Variants in MUC7 observed in about 807,000 individuals in gnomAD.
The protein encoded by MUC7 is mucin 7, secreted.
In MUC7, 2 loss-of-function variants were observed where a neutral mutation model predicts 2.5. That is an observed-to-expected ratio of 0.81 (90% CI 0.33 to 2.55). The LOEUF (loss-of-function observed/expected upper bound fraction) is 2.55, where lower values mean the gene tolerates loss of function less well. Ranked by LOEUF, MUC7 falls within the 30% of genes most tolerant of loss-of-function variation. The probability of loss-of-function intolerance (pLI) is 0.11; values close to 1 mark genes in which losing one functional copy is unlikely to be tolerated. For synonymous variants in MUC7, 133 were observed against 173.4 expected, an observed-to-expected ratio of 0.77 and a Z score of 1.83; for missense variants, 408 against 455.6, an observed-to-expected ratio of 0.90 and a Z score of 0.95.
At chr4:70,463,066 G>A (rs965385512) in intron 1 of MUC7, among the ~76,000 whole-genome samples, 18 of 152,166 alleles carry the variant, frequency 1.2e-4, no homozygotes, top group African/African-American at 4.1e-4. Context: ...TGGTCCTATG[G>A]TCAAATTCTT....
chr4:70,465,242 G>A (rs550233010), intron 1 of MUC7, among the ~76,000 whole-genome samples: 1 of 152,292 alleles, frequency 6.6e-6, no homozygotes, highest in East Asian at 1.9e-4. Flanking sequence ...AACCCCATCT[G>A]AAGGTCACCA....
At chr4:70,459,338 C>A (rs572749505) in intron 1 of MUC7, among the ~76,000 whole-genome samples, 2 of 152,188 alleles carry the variant, frequency 1.3e-5, no homozygotes, top group East Asian at 1.9e-4. Flanking sequence ...GGACAAAAAA[C>A]CAAACACCGC....
intron 1 of MUC7, among the ~76,000 whole-genome samples, chr4:70,443,662 G>A (rs1734058454): frequency 6.6e-6 from 1 of 152,086 alleles, no homozygotes. Context: ...GTCTTCCACA[G>A]CAAACTAACC....
chr4:70,437,727 T>G (rs1482653377), intron 1 of MUC7, among the ~76,000 whole-genome samples: 1 of 152,094 alleles, frequency 6.6e-6, no homozygotes, highest in Non-Finnish European at 1.5e-5. Flanking sequence ...CTGTAGGCTG[T>G]ACCCACTGTC....
chr4:70,447,630 T>C (rs1384963224), intron 1 of MUC7, among the ~76,000 whole-genome samples: 1 of 152,154 alleles, frequency 6.6e-6, no homozygotes, highest in African/African-American at 2.4e-5. Context: ...TGATTTGTTC[T>C]TTTTTTAATT....
At chr4:70,449,554 T>C (rs1232456987) in intron 1 of MUC7, among the ~76,000 whole-genome samples, 3 of 152,136 alleles carry the variant, frequency 2.0e-5, no homozygotes, top group South Asian at 4.1e-4. Flanking sequence ...AGCCAAACCA[T>C]ATCATCTTCA....
intron 1 of MUC7, among the ~76,000 whole-genome samples, chr4:70,459,988 C>T (rs899380910): frequency 5.9e-5 from 9 of 152,022 alleles, no homozygotes; most frequent in Non-Finnish European, 1.2e-4. Flanking sequence ...GTATTATAAA[C>T]TAACAAGTTT....
At position 70,481,804 on chromosome 4, in the gene MUC7, A is replaced by G. The variant is rs780252149; in HGVS notation, c.1060A>G (p.Asn354Asp). The G allele has an allele frequency of 4.0e-5, 64 of 1,614,182 alleles. No homozygotes were observed. The highest frequency in any genetic ancestry group is 5.1e-5 in the Non-Finnish European group (60 of 1,180,022). ...TKQPTSAPGQ[N>D]KISRFLLYMK... The stretch of plus-strand genomic sequence containing the variant: ...ACAACCAACTTCAGCTCCTGGCCAA[A>G]ATAAAATTTCTCGATTTCTTTTATA... Residue 354 changes from asparagine (N) to aspartate (D), a missense_variant, in exon 3 of 3, where the codon AAT becomes GAT. Coordinates refer to ENST00000304887, the MANE Select transcript of MUC7 (RefSeq NM_152291.3).
intron 1 of MUC7, among the ~76,000 whole-genome samples, chr4:70,456,214 C>T (rs1734406457): frequency 6.6e-6 from 1 of 152,236 alleles, no homozygotes; most frequent in Admixed American, 6.5e-5. Flanking sequence ...TATCAATTTT[C>T]TGGAGGCATT....
intron 1 of MUC7, among the ~76,000 whole-genome samples, chr4:70,445,393 T>C (rs1734106525): frequency 6.6e-6 from 1 of 152,212 alleles, no homozygotes; most frequent in South Asian, 2.1e-4. Flanking sequence ...CATTTGATTA[T>C]GAGTCTGCCA....
intron 1 of MUC7, among the ~76,000 whole-genome samples, chr4:70,460,018 G>T (rs568781063): frequency 9.1e-4 from 138 of 152,152 alleles, no homozygotes; most frequent in African/African-American, 3.0e-3. Context: ...TGACACCAAA[G>T]TTTATAGACT....
intron 1 of MUC7, among the ~76,000 whole-genome samples, chr4:70,436,533 G>C (rs1185577588): frequency 6.6e-6 from 1 of 152,100 alleles, no homozygotes; most frequent in Non-Finnish European, 1.5e-5. Context: ...TTCTCATGCT[G>C]TGGTTTTCAG....
At chr4:70,431,162 C>T (rs1189613043) in intron 1 of MUC7, among the ~76,000 whole-genome samples, 1 of 152,104 alleles carries the variant, frequency 6.6e-6, no homozygotes, top group South Asian at 2.1e-4. Context: ...GGGGGAAAAA[C>T]AGCTTTGCCC....
At chr4:70,458,145 A>C (rs1352065345) in intron 1 of MUC7, among the ~76,000 whole-genome samples, 1 of 152,150 alleles carries the variant, frequency 6.6e-6, no homozygotes, top group East Asian at 1.9e-4. Context: ...AATTAAGCTT[A>C]TTCTGGGAAT....
At chr4:70,480,040 C>T (rs895886456) in intron 2 of MUC7, among the ~76,000 whole-genome samples, 2 of 152,164 alleles carry the variant, frequency 1.3e-5, no homozygotes, top group Admixed American at 6.5e-5. Context: ...ATCAGATGTA[C>T]AGTTGGACTG....
intron 1 of MUC7, among the ~76,000 whole-genome samples, chr4:70,432,838 T>C (rs1490412655): frequency 6.6e-6 from 1 of 152,218 alleles, no homozygotes; most frequent in Non-Finnish European, 1.5e-5. Context: ...GCCTAGGTTT[T>C]CTTCTAAGGT....
rs566342104 is a variant in MUC7, at chr4:70,482,883, G to A, written c.*1005G>A. The A allele has an allele frequency of 9.2e-5, 14 of 152,252 alleles. No individual in the cohort carries two copies. The highest frequency in any genetic ancestry group is 2.9e-4 in the African/African-American group (12 of 41,532). 9.4% of individuals were successfully genotyped at this position (152,252 alleles called of 1,614,324 possible). ...AATAAAAGTTAGCTACTTGGTATAC[G>A]GAGATGTTAATTTGGGATATGGAGG... On this transcript the variant is annotated 3_prime_UTR_variant, in exon 3 of 3. Coordinates refer to ENST00000304887, the MANE Select transcript of MUC7 (RefSeq NM_152291.3).
rs919430574 is a variant in MUC7, at chr4:70,481,841, T to A, written c.1097T>A (p.Leu366Gln). ...ISRFLLYMKN[L>Q]LNRIIDDMVE... is the part of the protein sequence containing the mutation. ...CGATTTCTTTTATATATGAAGAATC[T>A]ACTAAACAGAATTATTGACGACATG... Residue 366 changes from leucine to glutamine, a missense_variant, in exon 3 of 3, where the codon CTA (leucine) becomes CAA (glutamine). Coordinates refer to ENST00000304887, the MANE Select transcript of MUC7 (RefSeq NM_152291.3). The A allele has an allele frequency of 1.2e-6, 2 of 1,613,932 alleles. No homozygotes were observed. The highest frequency in any genetic ancestry group is 1.7e-5 in the Admixed American group (1 of 60,004).
chr4:70,445,041 CAAACA>C (rs759831915), intron 1 of MUC7, among the ~76,000 whole-genome samples: 1 of 152,132 alleles, frequency 6.6e-6, no homozygotes, highest in Non-Finnish European at 1.5e-5. Flanking sequence ...AAAAAACAAA[CAAACA>C]AAACAAAACA....
Sources: allele counts gnomAD v4.1 joint callset (sites outside exome capture counted in the v4.1 genomes callset), GRCh38; gene constraint gnomAD v4.1.1; transcripts MANE v1.5; gene names NCBI Gene and HGNC (gene_info 2026-07-23, HGNC 2026-07-21).